Variants in OR10D3 observed in about 807,000 individuals in gnomAD.
OR10D3 encodes the protein olfactory receptor family 10 subfamily D member 3, also known as olfactory receptor 10D3.
For synonymous variants in OR10D3, 100 were observed against 57.6 expected (o/e 1.74, Z -3.33); for missense variants, 286 against 153.7 (o/e 1.86, Z -4.55).
exon 2 of OR10D3, chr11:124,186,228 G>A: frequency 1.5e-6 from 1 of 662,362 alleles, no homozygotes; most frequent in South Asian, 1.7e-5. Flanking sequence ...ATAAATGGGT[G>A]CATGGCTCTG....
At chr11:124,188,323 AC>A (rs562602364) in exon 2 of OR10D3, 32 of 152,368 alleles carry the variant, frequency 2.1e-4, no homozygotes, top group African/African-American at 7.5e-4. Context: ...AGATGAAGGC[AC>A]TGGAATCTTT....
At chr11:124,185,172 A>G (rs1861205048) in intron 1 of OR10D3, 87 bp from the exon 2 acceptor site, 1 of 604,656 alleles carries the variant, frequency 1.7e-6, no homozygotes, top group Admixed American at 2.9e-5. Context: ...CACTTAATTG[A>G]CAAGTTTTAT....
intron 1 of OR10D3, among the ~76,000 whole-genome samples, chr11:124,183,592 C>T (rs999541356): frequency 7.8e-6 from 1 of 128,840 alleles, no homozygotes; most frequent in African/African-American, 2.8e-5. Context: ...GAGTCTCACT[C>T]TGTTGGCCAG....
At chr11:124,187,175 G>T (rs1226392794) in exon 2 of OR10D3, 3 of 152,108 alleles carry the variant, frequency 2.0e-5, no homozygotes, top group Non-Finnish European at 2.9e-5. Context: ...TAACTTTAAA[G>T]GTGTTTCTGC....
At chr11:124,185,442 C>G (rs1257588573) in exon 2 of OR10D3, 2 of 703,084 alleles carry the variant, frequency 2.8e-6, no homozygotes, top group South Asian at 1.5e-5. Flanking sequence ...CTTCACACAC[C>G]TATGTATTTC....
At chr11:124,185,640 C>T in exon 2 of OR10D3, 1 of 703,660 alleles carries the variant, frequency 1.4e-6, no homozygotes, top group South Asian at 1.5e-5. Flanking sequence ...GACCGCTTCA[C>T]TGCCATCTGT....
exon 2 of OR10D3, chr11:124,187,789 A>G (rs1423660144): frequency 2.6e-5 from 4 of 152,226 alleles, no homozygotes; most frequent in Admixed American, 2.0e-4. Flanking sequence ...TATGAAGATT[A>G]TCTTTTATAG....
chr11:124,188,529 C>T (rs555930568), exon 2 of OR10D3: 4 of 152,206 alleles, frequency 2.6e-5, no homozygotes, highest in Admixed American at 1.3e-4. Flanking sequence ...ATTTCTCACC[C>T]GATCTGGGCA....
At chr11:124,187,377 T>G (rs1429256766) in exon 2 of OR10D3, 1 of 152,220 alleles carries the variant, frequency 6.6e-6, no homozygotes, top group Non-Finnish European at 1.5e-5. Context: ...TGCATCAAAG[T>G]TATCTACTTT....
chr11:124,183,458 C>A (rs557471825), intron 1 of OR10D3, 75 bp downstream of exon 1: 5 of 147,020 alleles, frequency 3.4e-5, no homozygotes, highest in Non-Finnish European at 5.9e-5. Context: ...CTCTTTCTCT[C>A]TCTTTCTCTT....
At chr11:124,185,517 T>C in exon 2 of OR10D3, 1 of 703,366 alleles carries the variant, frequency 1.4e-6, no homozygotes. Flanking sequence ...AAAATGCTGC[T>C]CTACCTTATG....
exon 2 of OR10D3, chr11:124,188,248 C>G (rs1304992501): frequency 6.6e-6 from 1 of 152,202 alleles, no homozygotes; most frequent in East Asian, 1.9e-4. Context: ...AAAAGAAGGG[C>G]CACACAGGAA....
At chr11:124,188,344 A>C (rs1861247781) in exon 2 of OR10D3, 1 of 152,256 alleles carries the variant, frequency 6.6e-6, no homozygotes, top group Admixed American at 6.5e-5. Context: ...TGTATCACTG[A>C]GGATTGCTGG....
chr11:124,185,177 T>C, intron 1 of OR10D3, 82 bp from the exon 2 acceptor site: 1 of 606,444 alleles, frequency 1.6e-6, no homozygotes, highest in South Asian at 2.0e-5. Flanking sequence ...AATTGACAAG[T>C]TTTATTTCTC....
chr11:124,184,758 G>A (rs907668665), intron 1 of OR10D3, among the ~76,000 whole-genome samples: 11 of 152,278 alleles, frequency 7.2e-5, no homozygotes, highest in Middle Eastern at 3.4e-3. Context: ...TGTTGTATAA[G>A]TGTTTTGAAC....
intron 1 of OR10D3, chr11:124,184,388 A>T (rs1401461996): frequency 6.6e-6 from 1 of 152,150 alleles, no homozygotes; most frequent in Non-Finnish European, 1.5e-5. Flanking sequence ...ACTCTCCTAG[A>T]TGTTATATTT....
At chr11:124,188,648 C>G (rs1447402162) in exon 2 of OR10D3, 1 of 152,170 alleles carries the variant, frequency 6.6e-6, no homozygotes, top group Non-Finnish European at 1.5e-5. Flanking sequence ...CTCAAAGGCT[C>G]TGTTATTGGC....
At chr11:124,188,091 G>A (rs1861245686) in exon 2 of OR10D3, 1 of 152,196 alleles carries the variant, frequency 6.6e-6, no homozygotes, top group South Asian at 2.1e-4. Flanking sequence ...TCTTATGAAG[G>A]AAATGGTAAC....
chr11:124,186,934 T>C (rs1480934564), exon 2 of OR10D3: 1 of 152,246 alleles, frequency 6.6e-6, no homozygotes, highest in African/African-American at 2.4e-5. Context: ...GGCTAATGGC[T>C]TGGGCCAATG....
Sources: allele counts gnomAD v4.1 joint callset (sites outside exome capture counted in the v4.1 genomes callset), GRCh38; gene constraint gnomAD v4.1.1; transcripts MANE v1.5; gene names NCBI Gene and HGNC (gene_info 2026-07-23, HGNC 2026-07-21).